Variants in LRRC37A2 observed in about 807,000 individuals in gnomAD.
LRRC37A2 encodes the protein leucine rich repeat containing 37 member A2, also known as leucine-rich repeat-containing protein 37A2.
In LRRC37A2, 9 loss-of-function variants were observed where a neutral mutation model predicts 68.8. The ratio of observed to expected loss-of-function variants is 0.13; its 90% CI spans 0.08 to 0.23. The LOEUF is 0.23. LRRC37A2 is among the 10% of genes least tolerant of loss of function. The probability of loss-of-function intolerance (pLI) is 1.00; values close to 1 mark genes in which losing one functional copy is unlikely to be tolerated. For synonymous variants in LRRC37A2, 63 were observed against 367.6 expected (o/e 0.17, Z 9.48); for missense variants, 168 against 950.4 (o/e 0.18, Z 10.82).
chr17:46,490,876 T>C, the LRRC37A2 span, among the ~76,000 whole-genome samples: 1 of 105,332 alleles, frequency 9.5e-6, no homozygotes. Context: ...ACATACATAC[T>C]TTTTTTTTTT....
chr17:46,987,819 G>C, the LRRC37A2 span, among the ~76,000 whole-genome samples: 1 of 152,244 alleles, frequency 6.6e-6, no homozygotes, highest in African/African-American at 2.4e-5. Flanking sequence ...ATGTGTGCAT[G>C]CTATAAACCT....
At chr17:46,792,293 C>T in the LRRC37A2 span, among the ~76,000 whole-genome samples, 18 of 152,102 alleles carry the variant, frequency 1.2e-4, no homozygotes, top group Non-Finnish European at 2.2e-4. Context: ...TGGGGACACT[C>T]AGGCTGTGAA....
At chr17:46,771,381 C>A in the LRRC37A2 span, among the ~76,000 whole-genome samples, 1 of 151,568 alleles carries the variant, frequency 6.6e-6, no homozygotes, top group Non-Finnish European at 1.5e-5. Context: ...GAAGAGGGGC[C>A]GAGGGCGGGT....
chr17:46,882,177 T>A, the LRRC37A2 span, among the ~76,000 whole-genome samples: 11 of 152,254 alleles, frequency 7.2e-5, no homozygotes, highest in African/African-American at 2.2e-4. Flanking sequence ...AATTAAAAAA[T>A]TTTTAAAACA....
chr17:46,940,365 A>G, the LRRC37A2 span: 1 of 1,502,236 alleles, frequency 6.7e-7, no homozygotes, highest in Non-Finnish European at 8.9e-7. Context: ...GCCAGAGTTA[A>G]AGCAGTGACT....
the LRRC37A2 span, among the ~76,000 whole-genome samples, chr17:46,602,047 C>T: frequency 7.2e-6 from 1 of 139,726 alleles, no homozygotes; most frequent in Admixed American, 7.0e-5. Context: ...TGGTGGCACA[C>T]GCCTGTAATT....
chr17:46,846,013 ACTC>A, the LRRC37A2 span, among the ~76,000 whole-genome samples: 1 of 151,050 alleles, frequency 6.6e-6, no homozygotes, highest in South Asian at 2.1e-4. Flanking sequence ...GTGGTCTTGA[ACTC>A]CTGATCTCAG....
chr17:46,498,762 G>A, the LRRC37A2 span, among the ~76,000 whole-genome samples: 3 of 147,500 alleles, frequency 2.0e-5, no homozygotes, highest in Admixed American at 6.7e-5. Flanking sequence ...AGCAGAAATG[G>A]TATCTGGGAA....
At chr17:46,429,056 A>ACAT in the LRRC37A2 span, among the ~76,000 whole-genome samples, 1 of 142,850 alleles carries the variant, frequency 7.0e-6, no homozygotes. Context: ...AAAGGAAGTC[A>ACAT]CATAAAGCTC....
the LRRC37A2 span, among the ~76,000 whole-genome samples, chr17:46,974,393 A>G: frequency 6.6e-6 from 1 of 152,238 alleles, no homozygotes; most frequent in African/African-American, 2.4e-5. Flanking sequence ...ATAAACAGGA[A>G]ATTAGAGGAG....
At chr17:46,918,596 GACACACACACACACACACAC>G in the LRRC37A2 span, among the ~76,000 whole-genome samples, 18 of 146,762 alleles carry the variant, frequency 1.2e-4, no homozygotes, top group South Asian at 4.4e-4. Context: ...ATAGCAGGCA[GACACACACACACACACACAC>G]ACACACACAC....
chr17:46,817,381 C>CG, the LRRC37A2 span, among the ~76,000 whole-genome samples: 1 of 152,092 alleles, frequency 6.6e-6, no homozygotes, highest in African/African-American at 2.4e-5. Flanking sequence ...TCCCCCCGCC[C>CG]AGGCCAAGGC....
At chr17:46,862,697 C>G in the LRRC37A2 span, among the ~76,000 whole-genome samples, 2 of 152,186 alleles carry the variant, frequency 1.3e-5, no homozygotes, top group Non-Finnish European at 2.9e-5. Flanking sequence ...ATTCTCCTGC[C>G]TCAGCCTCCC....
the LRRC37A2 span, among the ~76,000 whole-genome samples, chr17:46,503,028 C>T: frequency 1.2e-4 from 18 of 150,584 alleles, no homozygotes; most frequent in Non-Finnish European, 1.8e-4. Flanking sequence ...CTGGCTAACA[C>T]GGTGAAACCC....
the LRRC37A2 span, among the ~76,000 whole-genome samples, chr17:46,859,388 GC>G: frequency 1.8e-3 from 275 of 152,296 alleles, 2 homozygotes; most frequent in African/African-American, 6.4e-3. Flanking sequence ...GTGTTTCAGT[GC>G]CATTTGTTGA....
the LRRC37A2 span, among the ~76,000 whole-genome samples, chr17:46,390,549 CGTG>C: frequency 2.0e-5 from 2 of 99,702 alleles, no homozygotes; most frequent in East Asian, 4.7e-4. Context: ...ATTAGCCAGG[CGTG>C]GTGGCGGGTG....
chr17:46,829,417 G>T, the LRRC37A2 span, among the ~76,000 whole-genome samples: 1 of 152,146 alleles, frequency 6.6e-6, no homozygotes, highest in African/African-American at 2.4e-5. Flanking sequence ...TGATCTACCC[G>T]CCTCAGCCTC....
the LRRC37A2 span, among the ~76,000 whole-genome samples, chr17:46,606,021 A>G: frequency 7.6e-6 from 1 of 130,874 alleles, no homozygotes; most frequent in African/African-American, 3.2e-5. Context: ...AAAAAAAAAA[A>G]AAAAAAAATT....
chr17:46,963,388 T>TA, the LRRC37A2 span, among the ~76,000 whole-genome samples: 3 of 151,826 alleles, frequency 2.0e-5, no homozygotes, highest in African/African-American at 4.8e-5. Flanking sequence ...CTACTAAAAA[T>TA]AAAAAAATTA....
Sources: allele counts gnomAD v4.1 joint callset (sites outside exome capture counted in the v4.1 genomes callset), GRCh38; gene constraint gnomAD v4.1.1; transcripts MANE v1.5; gene names NCBI Gene and HGNC (gene_info 2026-07-23, HGNC 2026-07-21).